The following SDK2 variants were observed in gnomAD, a reference collection of about 807,000 sequenced individuals.
SDK2 encodes the protein protein sidekick-2.
A neutral mutation model predicts 253.9 loss-of-function variants in SDK2; 105 were observed. The observed-to-expected ratio is 0.41, with a 90% CI of 0.35 to 0.49. The LOEUF is 0.49. Among genes scored for constraint, SDK2 ranks in the 20% least tolerant of loss-of-function variants. The probability of loss-of-function intolerance (pLI) is 0.06; values close to 1 mark genes in which losing one functional copy is unlikely to be tolerated. For missense variants in SDK2, 2,608 were observed against 3,003.0 expected (o/e 0.87, Z 3.07); for synonymous variants, 1,249 against 1,234.9 (o/e 1.01, Z -0.24).
At position 73,348,595 on chromosome 17, in the gene SDK2, T is replaced by G; in HGVS notation, c.6165+4A>C. On this transcript the variant is annotated splice_donor_region_variant and intron_variant, in intron 44 of 44. Transcript: ENST00000392650. Reference sequence around the variant, plus strand: ...TGCAGGACACCTGGCCCTCCTGCCCTCACCTGAGAGTCGGAGATTTCTGAG... The same window carrying G: ...TGCAGGACACCTGGCCCTCCTGCCCGCACCTGAGAGTCGGAGATTTCTGAG... The G allele has an allele frequency of 6.2e-7, 1 of 1,612,112 alleles. No individual in the cohort carries two copies.
rs150104598 is a variant in SDK2, at chr17:73,554,651, T to C, written c.65-47054A>G. 1.1e-3 allele frequency among the ~76,000 whole-genome samples: 162 copies of C among 152,356 alleles called. 1 individual carries two copies. Among genetic ancestry groups the C allele is most frequent in the African/African-American group, 3.7e-3 (155 of 41,584 alleles). On this transcript the variant is annotated intron_variant, in intron 1 of 44. Coordinates refer to ENST00000392650, the MANE Select transcript of SDK2 (RefSeq NM_001144952.2). The stretch of plus-strand genomic sequence containing the variant: ...TCATTTCAGCCAGCTAGTCTGGTAT[T>C]TGTTACAGCAACTGTAGGAAACTAA...
intron 32 of SDK2, among the ~76,000 whole-genome samples, chr17:73,384,700 G>A (rs1312202023): frequency 1.3e-5 from 2 of 152,202 alleles, no homozygotes; most frequent in Admixed American, 1.3e-4. Flanking sequence ...TGTGCCTGTA[G>A]TCTTGCTTGG....
chr17:73,440,333 C>T (rs1000174175), intron 6 of SDK2, among the ~76,000 whole-genome samples: 4 of 151,996 alleles, frequency 2.6e-5, no homozygotes, highest in Admixed American at 6.5e-5. Context: ...CTTGAACTCC[C>T]GACCTCAGGT....
intron 1 of SDK2, among the ~76,000 whole-genome samples, chr17:73,610,034 C>A (rs1408371595): frequency 6.6e-6 from 1 of 152,212 alleles, no homozygotes. Context: ...GCTTGTGCAG[C>A]CCATCAGCCC....
At chr17:73,584,201 G>A (rs1332870320) in intron 1 of SDK2, among the ~76,000 whole-genome samples, 3 of 152,176 alleles carry the variant, frequency 2.0e-5, no homozygotes, top group African/African-American at 7.2e-5. Flanking sequence ...TGGCCTGGCC[G>A]CCGGGACCTC....
chr17:73,445,985 G>A (rs1047407812), intron 5 of SDK2, among the ~76,000 whole-genome samples: 9 of 152,058 alleles, frequency 5.9e-5, no homozygotes, highest in Non-Finnish European at 1.2e-4. Context: ...AGCAGAGAGC[G>A]AATGACTCCC....
At chr17:73,622,551 C>G (rs114883324) in intron 1 of SDK2, among the ~76,000 whole-genome samples, 43 of 152,314 alleles carry the variant, frequency 2.8e-4, no homozygotes, top group African/African-American at 9.4e-4. Flanking sequence ...GGGAGGGAGG[C>G]AAAGAGTGCT....
At chr17:73,391,135 G>A (rs1461730521) in intron 28 of SDK2, among the ~76,000 whole-genome samples, 1 of 152,210 alleles carries the variant, frequency 6.6e-6, no homozygotes, top group Non-Finnish European at 1.5e-5. Flanking sequence ...CCCTCACTTG[G>A]CCATGCTAAG....
chr17:73,600,513 G>A (rs777718036), intron 1 of SDK2, among the ~76,000 whole-genome samples: 1 of 152,046 alleles, frequency 6.6e-6, no homozygotes. Flanking sequence ...GGACACCCAG[G>A]GCTTCTCTGG....
Position 73,431,498 on chromosome 17 carries a change from T to C in SDK2, c.1480+4A>G. The stretch of plus-strand genomic sequence containing the variant: ...TATAAAGCCCTGTGGCTCTGCACAC[T>C]CACCCCAAACGACTAGGTCTGCTGA... On this transcript the variant is annotated splice_donor_region_variant and intron_variant, in intron 11 of 44. Coordinates refer to ENST00000392650, the MANE Select transcript of SDK2 (RefSeq NM_001144952.2). This position sits in a 1 kb window ranked among gnomAD's most constrained non-coding sequence, Gnocchi z 5.6. 1 of 1,608,910 alleles carries C rather than the reference T, an allele frequency of 6.2e-7. No individual in the cohort carries two copies. Among genetic ancestry groups the C allele is most frequent in the Non-Finnish European group, 8.5e-7 (1 of 1,178,032 alleles).
intron 37 of SDK2, 98 bp downstream of exon 37, chr17:73,368,309 T>C (rs1030637751): frequency 1.8e-6 from 2 of 1,132,110 alleles, no homozygotes; most frequent in Non-Finnish European, 2.4e-6. Flanking sequence ...ATAAGGCAGC[T>C]GCCCCCATGC....
At chr17:73,446,396 G>A (rs1444014690) in intron 5 of SDK2, among the ~76,000 whole-genome samples, 3 of 152,134 alleles carry the variant, frequency 2.0e-5, no homozygotes, top group Non-Finnish European at 4.4e-5. Flanking sequence ...TTGTGACGCC[G>A]ATGGGTCAGT....
rs545427460 is a variant in SDK2, at chr17:73,381,581, G to A, written c.4706-631C>T. ...GCTTGAGAGAACTAAGGGAGGAAACGTGAAAATGAAGAGGCTGGGCCGGGC... is the reference window on the plus strand; with the variant it reads ...GCTTGAGAGAACTAAGGGAGGAAACATGAAAATGAAGAGGCTGGGCCGGGC... On this transcript the variant is annotated intron_variant, in intron 33 of 44. Coordinates refer to ENST00000392650, the MANE Select transcript of SDK2 (RefSeq NM_001144952.2). Among the ~76,000 whole-genome samples the A allele has an allele frequency of 1.4e-3, 209 of 152,254 alleles. 1 individual carries two copies. Among genetic ancestry groups the A allele is most frequent in the African/African-American group, 4.9e-3 (202 of 41,554 alleles).
intron 3 of SDK2, among the ~76,000 whole-genome samples, chr17:73,459,497 C>T (rs2063550011): frequency 6.6e-6 from 1 of 152,206 alleles, no homozygotes; most frequent in Admixed American, 6.5e-5. Flanking sequence ...CCAAGAGTCA[C>T]CAAGGCACCA....
intron 1 of SDK2, among the ~76,000 whole-genome samples, chr17:73,604,300 C>T (rs760801819): frequency 2.6e-5 from 4 of 152,200 alleles, no homozygotes; most frequent in Non-Finnish European, 1.5e-5. Flanking sequence ...AGAGGAACGC[C>T]CAGTCAGAGC....
At chr17:73,573,757 T>C (rs1050645229) in intron 1 of SDK2, among the ~76,000 whole-genome samples, 7 of 152,204 alleles carry the variant, frequency 4.6e-5, no homozygotes, top group Admixed American at 2.0e-4. Flanking sequence ...TGCCACTACC[T>C]GGCTCAAAGC....
chr17:73,372,265 C>A (rs775344331), intron 36 of SDK2, among the ~76,000 whole-genome samples: 3 of 152,298 alleles, frequency 2.0e-5, no homozygotes, highest in African/African-American at 7.2e-5. Context: ...GGGACTGAGC[C>A]CAGATCCTGG....
At position 73,541,484 on chromosome 17, in the gene SDK2, G is replaced by A. The variant is rs1396193181; in HGVS notation, c.65-33887C>T. Among the ~76,000 whole-genome samples the A allele has an allele frequency of 1.3e-5, 2 of 151,932 alleles. No homozygotes were observed. Among genetic ancestry groups the A allele is most frequent in the African/African-American group, 4.8e-5 (2 of 41,346 alleles). Reference sequence around the variant, plus strand: ...AACATCCTCACCTCTATCTTAGCAGGGCAATACCGCACCACCCCCATTTCA... The same window carrying A: ...AACATCCTCACCTCTATCTTAGCAGAGCAATACCGCACCACCCCCATTTCA... On this transcript the variant is annotated intron_variant, in intron 1 of 44. Coordinates refer to ENST00000392650, the MANE Select transcript of SDK2 (RefSeq NM_001144952.2). This position sits in a 1 kb window ranked among gnomAD's most constrained non-coding sequence, Gnocchi z 4.3.
intron 1 of SDK2, among the ~76,000 whole-genome samples, chr17:73,522,428 G>A (rs2145788170): frequency 6.6e-6 from 1 of 152,364 alleles, no homozygotes. Flanking sequence ...GTTGGTGGTG[G>A]GGAGGGCCAG....
Sources: gnomAD v4.1 joint callset for allele counts (sites outside exome capture counted in the v4.1 genomes callset) on GRCh38, gnomAD v4.1.1 for gene constraint, Gnocchi (gnomAD v3.1) non-coding constraint, MANE v1.5 for transcripts, NCBI Gene and HGNC (gene_info 2026-07-23, HGNC 2026-07-21) for gene names.